ST18: variants seen among roughly 807,000 people sequenced by gnomAD.
ST18 encodes ST18 C2H2C-type zinc finger transcription factor, also known as suppression of tumorigenicity 18 protein.
Under a neutral mutation model 110.0 loss-of-function variants are expected in ST18, and 50 were observed. That is an observed-to-expected ratio of 0.45 (90% CI 0.36 to 0.58). The LOEUF (loss-of-function observed/expected upper bound fraction) is 0.58, where lower values mean the gene tolerates loss of function less well. Among genes scored for constraint, ST18 ranks in the 20% least tolerant of loss-of-function variants. The pLI is 0.00. For synonymous variants in ST18, 461 were observed against 452.4 expected, an observed-to-expected ratio of 1.02 and a Z score of -0.24; for missense variants, 1,306 against 1,280.1, an observed-to-expected ratio of 1.02 and a Z score of -0.31.
chr8:52,312,087 A>G (rs925735539), intron 2 of ST18, among the ~76,000 whole-genome samples: 1 of 152,192 alleles, frequency 6.6e-6, no homozygotes, highest in African/African-American at 2.4e-5. Context: ...TTCCATGTTT[A>G]TTATTCAGGA....
At chr8:52,201,760 G>A (rs1200409195) in intron 8 of ST18, among the ~76,000 whole-genome samples, 1 of 152,156 alleles carries the variant, frequency 6.6e-6, no homozygotes, top group African/African-American at 2.4e-5. Flanking sequence ...CTGAGACCAC[G>A]CCCGTCCTCA....
At chr8:52,225,877 C>A (rs113939445) in intron 3 of ST18, among the ~76,000 whole-genome samples, 1,772 of 152,270 alleles carry the variant, frequency 0.012, 38 homozygotes, top group African/African-American at 0.041. Flanking sequence ...AAAACAAATG[C>A]ATTTTTGTGG....
intron 2 of ST18, among the ~76,000 whole-genome samples, chr8:52,267,059 C>T (rs2094895081): frequency 6.6e-6 from 1 of 152,082 alleles, no homozygotes; most frequent in East Asian, 1.9e-4. Flanking sequence ...TCATGGGTAC[C>T]TGTGCTTGGA....
chr8:52,402,088 T>A (rs2141106387), intron 2 of ST18, among the ~76,000 whole-genome samples: 1 of 152,286 alleles, frequency 6.6e-6, no homozygotes, highest in East Asian at 1.9e-4. Context: ...TACCTCAGTG[T>A]CTTCGGCTGT....
chr8:52,359,409 C>A (rs995668078), intron 2 of ST18, among the ~76,000 whole-genome samples: 1 of 152,034 alleles, frequency 6.6e-6, no homozygotes, highest in African/African-American at 2.4e-5. Context: ...CCTGCCATAA[C>A]CACAATGAAC....
intron 2 of ST18, among the ~76,000 whole-genome samples, chr8:52,387,245 ATCTCTAAATCTCTTGGC>A (rs1333264698): frequency 2.0e-5 from 3 of 152,168 alleles, no homozygotes; most frequent in African/African-American, 7.2e-5. Flanking sequence ...AAAAATTATC[ATCTCTAAATCTCTTGGC>A]CAAGTTATCT....
At chr8:52,228,494 G>C (rs1448929816) in intron 3 of ST18, among the ~76,000 whole-genome samples, 1 of 152,084 alleles carries the variant, frequency 6.6e-6, no homozygotes, top group Non-Finnish European at 1.5e-5. Flanking sequence ...TTTTGTGTGG[G>C]AGAGAAAATG....
At chr8:52,184,873 G>A (rs1045338947) in intron 8 of ST18, among the ~76,000 whole-genome samples, 4 of 152,134 alleles carry the variant, frequency 2.6e-5, no homozygotes, top group East Asian at 1.9e-4. Context: ...TTCATAGCAG[G>A]TATTCCTACT....
At chr8:52,311,527 T>C (rs759276258) in intron 2 of ST18, among the ~76,000 whole-genome samples, 3 of 152,224 alleles carry the variant, frequency 2.0e-5, no homozygotes, top group Non-Finnish European at 4.4e-5. Context: ...GTTTTCATAC[T>C]GCTATAACGA....
rs201911938 is a variant in ST18, at chr8:52,126,017, G to C, written c.2755+35C>G. 1.9e-5 allele frequency: 30 copies of C among 1,579,694 alleles called. No individual in the cohort carries two copies. The East Asian group carries it at 6.7e-4, about 35-fold the overall frequency. On this transcript the variant is annotated intron_variant, in intron 23 of 25. Transcript: ENST00000689386. ...TTTGGGGAGCCAGGGTCTACACCCT[G>C]CAGGAGGTGGTGACAGCCAGCCCTG...
chr8:52,323,258 G>A (rs1282657315), intron 2 of ST18, among the ~76,000 whole-genome samples: 1 of 152,186 alleles, frequency 6.6e-6, no homozygotes, highest in Non-Finnish European at 1.5e-5. Flanking sequence ...AACCACAGAT[G>A]TTCCATTTGA....
chr8:52,238,210 G>A (rs1040932098), intron 2 of ST18, among the ~76,000 whole-genome samples: 1 of 151,970 alleles, frequency 6.6e-6, no homozygotes, highest in South Asian at 2.1e-4. Flanking sequence ...TGACTTCTAG[G>A]TACATACCCA....
intron 23 of ST18, among the ~76,000 whole-genome samples, chr8:52,120,447 G>A (rs2044251696): frequency 1.3e-5 from 2 of 152,200 alleles, no homozygotes; most frequent in African/African-American, 4.8e-5. Context: ...GAAGCACAAA[G>A]GGTTCTGGGA....
chr8:52,273,180 G>A (rs4475505), intron 2 of ST18, among the ~76,000 whole-genome samples: 5,939 of 152,260 alleles, frequency 0.039, 409 homozygotes, highest in African/African-American at 0.14. Context: ...ATGTTAAGCA[G>A]CAGTTGGACA....
chr8:52,296,839 C>CTAG (rs1344677323), intron 2 of ST18, among the ~76,000 whole-genome samples: 1 of 151,926 alleles, frequency 6.6e-6, no homozygotes, highest in Non-Finnish European at 1.5e-5. Context: ...AGGTTGCAGT[C>CTAG]TAGTACAGGA....
chr8:52,163,988 G>C lies in ST18; in HGVS notation c.1398C>G (p.His466Gln), dbSNP rs562296023. ...AGAACATCGTTAGGGGTTCATACCT[G>C]TGGGCCTGGTCAGGACACTGCCCAG... ...PQTGQCPDQA[H>Q]RTSLVKQIEF... The change falls in exon 13 of 26, where the codon CAC becomes CAG. Residue 466 changes from histidine to glutamine, a missense_variant and splice_region_variant. His to Gln is a conservative substitution (Grantham distance 24). Coordinates refer to ENST00000689386, the MANE Select transcript of ST18 (RefSeq NM_001352837.2). 4.3e-6 allele frequency: 7 copies of C among 1,612,762 alleles called. No homozygotes were observed. Among genetic ancestry groups the C allele is most frequent in the South Asian group, 1.1e-5 (1 of 91,028 alleles).
Position 52,112,292 on chromosome 8 carries a change from A to G in ST18, c.*906T>C, listed in dbSNP as rs1017162283. 5.2e-5 allele frequency: 8 copies of G among 152,618 alleles called. No homozygotes were observed. Among genetic ancestry groups the G allele is most frequent in the African/African-American group, 1.9e-4 (8 of 41,448 alleles). The allele number at this position is 152,618 out of a possible 1,614,324, so 9.5% of individuals were successfully genotyped here. A position where few individuals can be genotyped will look rare whatever the true frequency, so the allele number is the denominator to read the frequency against. ...ATATTGTCACTTGTATATTGTACCAACATATGGCAGGAAAGCCTGGCTGGT... is the reference window on the plus strand; with the variant it reads ...ATATTGTCACTTGTATATTGTACCAGCATATGGCAGGAAAGCCTGGCTGGT... On this transcript the variant is annotated 3_prime_UTR_variant, in exon 26 of 26. Transcript: ENST00000689386.
At chr8:52,125,331 T>C (rs942355522) in intron 23 of ST18, among the ~76,000 whole-genome samples, 4 of 152,082 alleles carry the variant, frequency 2.6e-5, no homozygotes, top group Non-Finnish European at 5.9e-5. Flanking sequence ...CACATACAGA[T>C]GCCAGAAACT....
At chr8:52,397,541 C>A in intron 2 of ST18, among the ~76,000 whole-genome samples, 1 of 152,274 alleles carries the variant, frequency 6.6e-6, no homozygotes, top group South Asian at 2.1e-4. Context: ...AGACCAATGT[C>A]AAGCAGCTTT....
Sources: allele counts gnomAD v4.1 joint callset (sites outside exome capture counted in the v4.1 genomes callset), GRCh38; gene constraint gnomAD v4.1.1; transcripts MANE v1.5; gene names NCBI Gene and HGNC (gene_info 2026-07-23, HGNC 2026-07-21).